The following ZNF618 variants were observed in gnomAD, a reference collection of about 807,000 sequenced individuals.
The protein encoded by ZNF618 is zinc finger protein 618, also known as neural precursor cell expressed, developmentally down-regulated 10.
A neutral mutation model predicts 103.0 loss-of-function variants in ZNF618; 34 were observed. The ratio of observed to expected loss-of-function variants is 0.33; its 90% confidence interval spans 0.25 to 0.44. The LOEUF (loss-of-function observed/expected upper bound fraction) is 0.44. Ranked by LOEUF, ZNF618 falls within the 20% of genes least tolerant of loss-of-function variation. The pLI, the probability that ZNF618 is intolerant of heterozygous loss-of-function variation, is 1.00. For missense variants in ZNF618, 1,059 were observed against 1,295.4 expected, an observed-to-expected ratio of 0.82 and a Z score of 2.80; for synonymous variants, 551 against 542.2, an observed-to-expected ratio of 1.02 and a Z score of -0.23.
At chr9:113,929,274 T>C (rs1833366706) in intron 1 of ZNF618, among the ~76,000 whole-genome samples, 1 of 152,240 alleles carries the variant, frequency 6.6e-6, no homozygotes, top group Non-Finnish European at 1.5e-5. Flanking sequence ...TAAACGTTCC[T>C]ACCAGTTACC....
chr9:113,911,125 C>T (rs927527643), intron 1 of ZNF618, among the ~76,000 whole-genome samples: 6 of 151,636 alleles, frequency 4.0e-5, no homozygotes, highest in Non-Finnish European at 7.4e-5. Flanking sequence ...TGAGCCACCG[C>T]GCCCGGCCTG....
At position 114,051,085 on chromosome 9, in the gene ZNF618, T is replaced by G. The variant is rs1236536795; in HGVS notation, c.*918T>G. On this transcript the variant is annotated 3_prime_UTR_variant, in exon 15 of 15. Transcript: ENST00000374126. Reference sequence around the variant, plus strand: ...CCCTAACATTTTAGCAATTTTTACCTTGTTTGGGGGTTCATTTTGTTTCTT... The same window carrying G: ...CCCTAACATTTTAGCAATTTTTACCGTGTTTGGGGGTTCATTTTGTTTCTT... The G allele has an allele frequency of 1.3e-5, 2 of 152,646 alleles. No homozygotes were observed. Among genetic ancestry groups the G allele is most frequent in the Non-Finnish European group, 2.9e-5 (2 of 68,036 alleles). 9.5% of individuals were successfully genotyped at this position (152,646 alleles called of 1,614,324 possible).
chr9:113,901,132 C>T (rs966758764), intron 1 of ZNF618, among the ~76,000 whole-genome samples: 2 of 149,270 alleles, frequency 1.3e-5, no homozygotes, highest in East Asian at 4.1e-4. Flanking sequence ...CTCCTAGCAC[C>T]GTCTTCTCCC....
At chr9:114,008,681 C>T in intron 9 of ZNF618, 127 bp downstream of exon 9, 4 of 1,098,666 alleles carry the variant, frequency 3.6e-6, no homozygotes, top group Non-Finnish European at 4.0e-6. Context: ...TGGTGCCCAA[C>T]CTGTCAGTTG....
intron 1 of ZNF618, among the ~76,000 whole-genome samples, chr9:113,888,771 A>C (rs1280756598): frequency 6.6e-6 from 1 of 152,176 alleles, no homozygotes; most frequent in East Asian, 1.9e-4. Context: ...CTGTACAATA[A>C]GGGCTTGGAC....
chr9:114,001,284 G>A (rs1178218014), intron 4 of ZNF618, among the ~76,000 whole-genome samples: 1 of 151,656 alleles, frequency 6.6e-6, no homozygotes, highest in Non-Finnish European at 1.5e-5. Flanking sequence ...GGGCTGGGGG[G>A]GCCAGGCATT....
intron 3 of ZNF618, among the ~76,000 whole-genome samples, chr9:113,989,052 G>A (rs1397380953): frequency 6.6e-6 from 1 of 152,210 alleles, no homozygotes; most frequent in Non-Finnish European, 1.5e-5. Flanking sequence ...GCCCAGAGGA[G>A]CTCTGTGGAA....
At chr9:113,915,594 A>G (rs997817521) in intron 1 of ZNF618, among the ~76,000 whole-genome samples, 6 of 152,236 alleles carry the variant, frequency 3.9e-5, no homozygotes, top group African/African-American at 1.4e-4. Flanking sequence ...CTTTGTATGC[A>G]AATGGCATTT....
chr9:113,946,114 A>G (rs1835005375), intron 1 of ZNF618, among the ~76,000 whole-genome samples: 2 of 152,230 alleles, frequency 1.3e-5, no homozygotes, highest in Admixed American at 1.3e-4. Context: ...CACCACTGTC[A>G]GGGCCAAGAG....
intron 4 of ZNF618, among the ~76,000 whole-genome samples, chr9:113,998,792 T>A (rs1318546561): frequency 1.3e-5 from 2 of 152,214 alleles, no homozygotes; most frequent in East Asian, 3.9e-4. Context: ...GAGGTCTCCC[T>A]CATGCACTCT....
At chr9:113,998,236 T>G (rs1840816801) in intron 3 of ZNF618, 23 bp from the exon 4 acceptor site, 1 of 1,549,282 alleles carries the variant, frequency 6.5e-7, no homozygotes, top group African/African-American at 1.4e-5. Context: ...TAAGGGCTCT[T>G]TCTGATTTCT....
chr9:113,934,674 T>A (rs140549781), intron 1 of ZNF618, among the ~76,000 whole-genome samples: 17 of 152,300 alleles, frequency 1.1e-4, no homozygotes, highest in South Asian at 4.1e-4. Flanking sequence ...CCCGGTTGGT[T>A]ATGAGCATTC....
chr9:113,960,814 C>T (rs1184339532), intron 1 of ZNF618, among the ~76,000 whole-genome samples: 1 of 152,204 alleles, frequency 6.6e-6, no homozygotes, highest in African/African-American at 2.4e-5. Flanking sequence ...AAGATCAAAC[C>T]ATTGTTCCTT....
At chr9:114,024,628 T>C (rs533850130) in intron 10 of ZNF618, among the ~76,000 whole-genome samples, 1 of 152,370 alleles carries the variant, frequency 6.6e-6, no homozygotes, top group Non-Finnish European at 1.5e-5. Context: ...CTTAGCTGAA[T>C]GCCTGAAGTA....
intron 10 of ZNF618, among the ~76,000 whole-genome samples, chr9:114,019,761 C>T (rs1188228187): frequency 6.6e-6 from 1 of 152,180 alleles, no homozygotes; most frequent in Non-Finnish European, 1.5e-5. Flanking sequence ...TTGCCAGATA[C>T]ATGTACTGTG....
In ZNF618 at chr9:114,054,909, T is replaced by A. The variant is rs1292109528; in HGVS notation, c.*4742T>A. The stretch of plus-strand genomic sequence containing the variant: ...AGGGTGAAGATTGTCAGGTCACTGT[T>A]TGACATATTCATGCCCCGTCCCTTC... On this transcript the variant is annotated 3_prime_UTR_variant, in exon 15 of 15. Transcript: ENST00000374126. 6.6e-6 allele frequency: 1 copy of A among 152,050 alleles called. No homozygotes were observed. The highest frequency in any genetic ancestry group is 1.9e-4 in the East Asian group (1 of 5,158). The allele number at this position is 152,050 out of a possible 1,614,324, so 9.4% of individuals were successfully genotyped here.
At chr9:113,992,210 G>C (rs767592485) in intron 3 of ZNF618, among the ~76,000 whole-genome samples, 2 of 152,134 alleles carry the variant, frequency 1.3e-5, no homozygotes, top group Non-Finnish European at 2.9e-5. Context: ...GTCTGCCCTG[G>C]ATGTAGAAGT....
chr9:114,040,444 T>TTA (rs1845050353), intron 13 of ZNF618, among the ~76,000 whole-genome samples: 1 of 152,018 alleles, frequency 6.6e-6, no homozygotes, highest in African/African-American at 2.4e-5. Flanking sequence ...ACCCATTAAC[T>TTA]CGTCATTTAC....
intron 6 of ZNF618, among the ~76,000 whole-genome samples, chr9:114,005,207 A>G (rs948592887): frequency 2.6e-5 from 4 of 152,218 alleles, no homozygotes; most frequent in African/African-American, 4.8e-5. Flanking sequence ...ATTAGGCAGC[A>G]TGAATCCAGA....
Sources: gnomAD v4.1 joint callset for allele counts (sites outside exome capture counted in the v4.1 genomes callset) on GRCh38, gnomAD v4.1.1 for gene constraint, MANE v1.5 for transcripts, NCBI Gene and HGNC (gene_info 2026-07-23, HGNC 2026-07-21) for gene names.